Variants in WAS observed in about 807,000 individuals in gnomAD.
WAS encodes the protein WASP actin nucleation promoting factor.
In WAS, 1 loss-of-function variant was observed where a neutral mutation model predicts 38.9. That is an observed-to-expected ratio of 0.03 (90% CI 0.01 to 0.12). The LOEUF (loss-of-function observed/expected upper bound fraction) is 0.12. WAS is among the 10% of genes least tolerant of loss of function. The pLI is 1.00. For missense variants in WAS, 311 were observed against 431.2 expected, an observed-to-expected ratio of 0.72 and a Z score of 2.47; for synonymous variants, 182 against 173.6, an observed-to-expected ratio of 1.05 and a Z score of -0.38.
At chrX:48,688,610 T>C in intron 9 of WAS, 50 bp from the exon 10 acceptor site, 5 of 1,207,444 alleles carry the variant, frequency 4.1e-6, no homozygotes, top group Non-Finnish European at 5.6e-6. Context: ...AAACTGAGGC[T>C]CAGAAGAAAT....
chrX:48,686,730 T>C, intron 6 of WAS, 51 bp from the exon 7 acceptor site: 1 of 1,193,787 alleles, frequency 8.4e-7, no homozygotes, highest in Non-Finnish European at 1.1e-6. Context: ...CCCTGTGCTT[T>C]GGTTGGTTGG....
chrX:48,683,904 G>A lies in WAS; in HGVS notation c.51G>A (p.Ala17=), dbSNP rs2062410609. 7.4e-6 allele frequency: 9 copies of A among 1,211,677 alleles called. No homozygotes were observed. Among genetic ancestry groups the A allele is most frequent in the East Asian group, 3.0e-5 (1 of 33,831 alleles). ...GGRPGGRGAP[A]VQQNIPSTLL... is the part of the protein sequence containing the mutation. ...GGCCCGGGGGCCGAGGAGCACCAGCGGTTCAGCAGAACATACCCTCCACCC... is the reference window on the plus strand; with the variant it reads ...GGCCCGGGGGCCGAGGAGCACCAGCAGTTCAGCAGAACATACCCTCCACCC... Residue 17 remains alanine, a synonymous_variant, in exon 1 of 12, where the codon GCG becomes GCA. Transcript: ENST00000376701.
chrX:48,684,032 C>T (rs2062411270), intron 1 of WAS, 47 bp downstream of exon 1: 1 of 1,193,816 alleles, frequency 8.4e-7, no homozygotes, highest in East Asian at 3.0e-5. Context: ...CCGTTTCTTC[C>T]TCTTCCTCTC....
upstream of WAS, among the ~76,000 whole-genome samples, chrX:48,679,032 C>CTT (rs1365720507): frequency 9.8e-6 from 1 of 101,582 alleles, no homozygotes; most frequent in Non-Finnish European, 2.0e-5. Context: ...GTTTTTCTTT[C>CTT]TTTTTTTTTT....
upstream of WAS, among the ~76,000 whole-genome samples, chrX:48,679,980 T>C (rs2062397714): frequency 9.0e-6 from 1 of 111,675 alleles, no homozygotes; most frequent in Non-Finnish European, 1.9e-5. Flanking sequence ...ATCTTCCTGG[T>C]GAACCACGAA....
chrX:48,684,433 C>A lies in WAS; in HGVS notation c.273+10C>A, dbSNP rs782347054. ...CCTTTACGGCCTTCAGGTGACCCCC[C>A]CACCCCCGACTGGACTTGCAAGCCA... On this transcript the variant is annotated intron_variant, in intron 2 of 11. Coordinates refer to ENST00000376701, the MANE Select transcript of WAS (RefSeq NM_000377.3). 1 of 1,202,663 alleles carries A rather than the reference C, an allele frequency of 8.3e-7. No individual in the cohort carries two copies. Among genetic ancestry groups the A allele is most frequent in the Non-Finnish European group, 1.1e-6 (1 of 891,190 alleles).
chrX:48,683,791 G>A (rs782102387), upstream of WAS: 19 of 1,186,412 alleles, frequency 1.6e-5, no homozygotes, highest in South Asian at 5.5e-5. Context: ...TGCTCATTGC[G>A]GAAGTTCCTC....
At chrX:48,679,055 C>T (rs1261373905), upstream of WAS, among the ~76,000 whole-genome samples, 3 of 107,488 alleles carry the variant, frequency 2.8e-5, no homozygotes, top group South Asian at 8.1e-4. Flanking sequence ...CAAGAGCCGA[C>T]GTCTTGTTCT....
intron 7 of WAS, among the ~76,000 whole-genome samples, chrX:48,687,789 A>AC (rs1557006926): frequency 1.3e-4 from 14 of 111,450 alleles, no homozygotes; most frequent in Non-Finnish European, 1.9e-5. Context: ...ACAGATCAGT[A>AC]GTCCAACAGA....
At chrX:48,682,123 C>T (rs1198773318), upstream of WAS, among the ~76,000 whole-genome samples, 7 of 111,994 alleles carry the variant, frequency 6.3e-5, no homozygotes, top group Non-Finnish European at 1.1e-4. Flanking sequence ...CCCTACAGCC[C>T]TCAGATTCCC....
upstream of WAS, among the ~76,000 whole-genome samples, chrX:48,680,419 G>A (rs1557005655): frequency 9.0e-6 from 1 of 110,940 alleles, no homozygotes; most frequent in Non-Finnish European, 1.9e-5. Flanking sequence ...ACTCCCAGGA[G>A]GTTAGGCATT....
chrX:48,685,594 C>T lies in WAS; in HGVS notation c.321C>T (p.Tyr107=). The change falls in exon 3 of 12, where the codon TAC becomes TAT. Residue 107 remains tyrosine, a synonymous_variant. Coordinates refer to ENST00000376701, the MANE Select transcript of WAS (RefSeq NM_000377.3). ...AGGAGCTGTACTCACAGCTTGTCTACTCCACCCCCACCCCCTTCTTCCACA... is the reference window on the plus strand; with the variant it reads ...AGGAGCTGTACTCACAGCTTGTCTATTCCACCCCCACCCCCTTCTTCCACA... ...WEQELYSQLV[Y]STPTPFFHTF... is the part of the protein sequence containing the mutation. The T allele has an allele frequency of 2.5e-6, 3 of 1,203,301 alleles. No individual in the cohort carries two copies. The highest frequency in any genetic ancestry group is 3.4e-6 in the Non-Finnish European group (3 of 891,373).
At position 48,688,919 on chromosome X, in the gene WAS, G is replaced by A. The variant is rs782486251; in HGVS notation, c.1191G>A (p.Pro397=). 4.3e-5 allele frequency: 44 copies of A among 1,025,587 alleles called. No individual in the cohort carries two copies. In the African/African-American group the frequency reaches 5.4e-4, roughly 13 times the overall value. 84.5% of individuals were successfully genotyped at this position (1,025,587 alleles called of 1,213,427 possible). A position where few individuals can be genotyped will look rare whatever the true frequency, so the allele number is the denominator to read the frequency against. The part of the protein sequence containing the change: ...GAGGPPMPPP[P]PPPPPPPSSG... Reference sequence around the variant, plus strand: ...GTGGGCCACCCATGCCACCACCACCGCCACCACCGCCACCGCCGCCCAGCT... The same window carrying A: ...GTGGGCCACCCATGCCACCACCACCACCACCACCGCCACCGCCGCCCAGCT... Residue 397 remains proline, a synonymous_variant, in exon 10 of 12, where the codon CCG becomes CCA. Coordinates refer to ENST00000376701, the MANE Select transcript of WAS (RefSeq NM_000377.3).
chrX:48,686,657 AC>A lies in WAS; in HGVS notation c.560-121del, dbSNP rs1422067401. On this transcript the variant is annotated intron_variant, in intron 6 of 11. Coordinates refer to ENST00000376701, the MANE Select transcript of WAS (RefSeq NM_000377.3). ...TCCATAGACCCTACTTGAACCCTTC[AC>A]CCACTACCTCCATGACCATCCAACA... 9.8e-6 allele frequency: 8 copies of A among 815,215 alleles called. 1 individual carries two copies. Among genetic ancestry groups the A allele is most frequent in the Non-Finnish European group, 1.4e-5 (8 of 560,885 alleles). 67.2% of individuals were successfully genotyped at this position (815,215 alleles called of 1,213,427 possible). A position where few individuals can be genotyped will look rare whatever the true frequency, so the allele number is the denominator to read the frequency against.
At chrX:48,690,584 T>TG (rs1369788795) in intron 11 of WAS, among the ~76,000 whole-genome samples, 1 of 110,058 alleles carries the variant, frequency 9.1e-6, no homozygotes, top group Non-Finnish European at 1.9e-5. Context: ...ATGATTTTTT[T>TG]TTTCTTTTGA....
At chrX:48,687,927 T>C (rs2062425350) in intron 7 of WAS, 127 bp from the exon 8 acceptor site, 2 of 697,219 alleles carry the variant, frequency 2.9e-6, no homozygotes, top group Non-Finnish European at 2.2e-6. Context: ...CATTCACTCA[T>C]TCAGTCTCAT....
At chrX:48,679,344 G>A (rs1205109406), upstream of WAS, among the ~76,000 whole-genome samples, 1 of 111,500 alleles carries the variant, frequency 9.0e-6, no homozygotes, top group African/African-American at 3.3e-5. Context: ...TTTTTGTTTT[G>A]TTTTGTTTTG....
At chrX:48,687,950 G>T (rs2062425383) in intron 7 of WAS, 104 bp from the exon 8 acceptor site, 3 of 848,760 alleles carry the variant, frequency 3.5e-6, no homozygotes, top group Non-Finnish European at 5.2e-6. Flanking sequence ...ATTAATTCTG[G>T]CCCCTCAGAG....
chrX:48,690,981 G>A lies in WAS; in HGVS notation c.1454-126G>A, dbSNP rs1436356245. The A allele has an allele frequency of 6.9e-6, 4 of 577,755 alleles. No homozygotes were observed. In the Admixed American group the frequency reaches 8.0e-5, roughly 12 times the overall value. The allele number at this position is 577,755 out of a possible 1,213,427, so 47.6% of individuals were successfully genotyped here. A position where few individuals can be genotyped will look rare whatever the true frequency, so the allele number is the denominator to read the frequency against. On this transcript the variant is annotated intron_variant, in intron 11 of 11. Transcript: ENST00000376701. Reference sequence around the variant, plus strand: ...CTATAATCCCTTTCTTGTCCCAAATGGAAACTCTAACTTGCCCTCCTCTAG... The same window carrying A: ...CTATAATCCCTTTCTTGTCCCAAATAGAAACTCTAACTTGCCCTCCTCTAG...
Sources: allele counts gnomAD v4.1 joint callset (sites outside exome capture counted in the v4.1 genomes callset), GRCh38; gene constraint gnomAD v4.1.1; transcripts MANE v1.5; gene names NCBI Gene and HGNC (gene_info 2026-07-23, HGNC 2026-07-21).